CCDC7: variants seen among roughly 807,000 people sequenced by gnomAD.
CCDC7 encodes coiled-coil domain-containing protein 7.
CCDC7 carries 183 observed loss-of-function variants against 196.9 expected under a neutral mutation model. That is an observed-to-expected ratio of 0.93 (90% CI 0.82 to 1.05). The LOEUF is 1.05. CCDC7 is among the 50% of genes least tolerant of loss of function. The probability of loss-of-function intolerance (pLI) is 0.00; values close to 1 mark genes in which losing one functional copy is unlikely to be tolerated. For synonymous variants in CCDC7, 525 were observed against 484.6 expected (o/e 1.08, Z -1.10); for missense variants, 1,540 against 1,482.2 (o/e 1.04, Z -0.64).
intron 28 of CCDC7, among the ~76,000 whole-genome samples, chr10:32,776,130 G>A: frequency 6.7e-6 from 1 of 148,454 alleles, no homozygotes; most frequent in East Asian, 2.0e-4. Context: ...GGGGACTGTG[G>A]TGGGGTGGGG....
At chr10:32,666,448 A>G (rs1473021256) in intron 21 of CCDC7, among the ~76,000 whole-genome samples, 1 of 151,996 alleles carries the variant, frequency 6.6e-6, no homozygotes, top group Non-Finnish European at 1.5e-5. Flanking sequence ...ACATATATAT[A>G]CATGTGCCGT....
At chr10:32,463,520 T>A in intron 5 of CCDC7, among the ~76,000 whole-genome samples, 1 of 152,228 alleles carries the variant, frequency 6.6e-6, no homozygotes, top group East Asian at 1.9e-4. Context: ...GTTTGAGAAC[T>A]ACTGGTCTCT....
chr10:32,619,318 C>G (rs2063118260), intron 18 of CCDC7, among the ~76,000 whole-genome samples: 1 of 151,770 alleles, frequency 6.6e-6, no homozygotes, highest in Admixed American at 6.6e-5. Context: ...TTGATAAAAA[C>G]AGAATTCAAC....
intron 11 of CCDC7, 121 bp downstream of exon 12, chr10:32,518,626 C>T: frequency 1.4e-6 from 1 of 733,312 alleles, no homozygotes; most frequent in South Asian, 6.0e-5. Flanking sequence ...TAATTCGTAG[C>T]AGCTATGCTT....
intron 32 of CCDC7, among the ~76,000 whole-genome samples, chr10:32,831,858 CAAATAA>C (rs2092218505): frequency 6.6e-6 from 1 of 151,932 alleles, no homozygotes; most frequent in Non-Finnish European, 1.5e-5. Context: ...TATGCATACT[CAAATAA>C]AAATAAAAAT....
chr10:32,748,912 AT>A (rs1009648060), intron 28 of CCDC7, among the ~76,000 whole-genome samples: 3 of 152,068 alleles, frequency 2.0e-5, no homozygotes, highest in Non-Finnish European at 4.4e-5. Flanking sequence ...ACATAAAGGG[AT>A]TTTTTTCTCC....
intron 9 of CCDC7, among the ~76,000 whole-genome samples, chr10:32,495,772 C>A (rs1363742274): frequency 6.6e-6 from 1 of 152,110 alleles, no homozygotes; most frequent in Non-Finnish European, 1.5e-5. Flanking sequence ...GGTACCAGTA[C>A]CATGCTGTTT....
intron 41 of CCDC7, among the ~76,000 whole-genome samples, chr10:32,854,895 T>C (rs2093691862): frequency 6.6e-6 from 1 of 151,812 alleles, no homozygotes. Context: ...TTCATATATA[T>C]TTATGTCACA....
chr10:32,534,005 C>T (rs1413303475), intron 11 of CCDC7, among the ~76,000 whole-genome samples: 3 of 151,972 alleles, frequency 2.0e-5, no homozygotes, highest in African/African-American at 7.2e-5. Flanking sequence ...CTTTCTTTTC[C>T]TCAGCTCTCT....
intron 5 of CCDC7, among the ~76,000 whole-genome samples, chr10:32,466,698 T>C (rs1056978954): frequency 6.6e-6 from 1 of 152,224 alleles, no homozygotes; most frequent in African/African-American, 2.4e-5. Flanking sequence ...GCCAATTCCA[T>C]GTCTTTGCTA....
intron 5 of CCDC7, among the ~76,000 whole-genome samples, chr10:32,464,922 C>T (rs933262872): frequency 1.3e-5 from 2 of 152,058 alleles, no homozygotes; most frequent in African/African-American, 4.8e-5. Context: ...CTTATTTGAT[C>T]CACATTCCTC....
intron 28 of CCDC7, among the ~76,000 whole-genome samples, chr10:32,732,362 A>G (rs2484736): frequency 0.34 from 52,156 of 152,050 alleles, 11,340 homozygotes; most frequent in Non-Finnish European, 0.49. Context: ...TCAATCACAA[A>G]TATGATTTTT....
At chr10:32,566,494 T>C (rs980543797) in intron 14 of CCDC7, among the ~76,000 whole-genome samples, 1 of 152,242 alleles carries the variant, frequency 6.6e-6, no homozygotes, top group African/African-American at 2.4e-5. Flanking sequence ...TTATTAAATG[T>C]ACTTCTATTA....
intron 18 of CCDC7, among the ~76,000 whole-genome samples, chr10:32,597,300 A>G (rs750055017): frequency 2.0e-5 from 3 of 152,084 alleles, no homozygotes; most frequent in Non-Finnish European, 4.4e-5. Flanking sequence ...TGTTTCTTCA[A>G]TTTGATCAAA....
intron 28 of CCDC7, among the ~76,000 whole-genome samples, chr10:32,754,463 C>T (rs541091647): frequency 1.8e-4 from 27 of 152,192 alleles, no homozygotes; most frequent in Non-Finnish European, 3.2e-4. Flanking sequence ...TAACTTACTT[C>T]CAATCAAAAT....
intron 9 of CCDC7, among the ~76,000 whole-genome samples, chr10:32,499,805 C>T (rs1431672594): frequency 6.6e-6 from 1 of 151,928 alleles, no homozygotes; most frequent in Non-Finnish European, 1.5e-5. Context: ...GGTGATGACT[C>T]TTAACGAGTA....
At chr10:32,866,536 TTAA>T (rs1294658487) in intron 41 of CCDC7, among the ~76,000 whole-genome samples, 1 of 151,332 alleles carries the variant, frequency 6.6e-6, no homozygotes, top group East Asian at 1.9e-4. Context: ...ATCGAAGTAA[TTAA>T]TAGTACCAAT....
intron 26 of CCDC7, among the ~76,000 whole-genome samples, chr10:32,727,079 G>A (rs772983226): frequency 5.3e-5 from 8 of 152,038 alleles, no homozygotes; most frequent in Non-Finnish European, 8.8e-5. Flanking sequence ...CCAATAATTC[G>A]CCTACAGTAT....
intron 13 of CCDC7, among the ~76,000 whole-genome samples, chr10:32,562,668 C>T (rs1241278887): frequency 6.6e-6 from 1 of 151,986 alleles, no homozygotes; most frequent in Non-Finnish European, 1.5e-5. Flanking sequence ...TAAGAGCTAT[C>T]TATGACAAAC....
Sources: gnomAD v4.1 joint callset for allele counts (sites outside exome capture counted in the v4.1 genomes callset) on GRCh38, gnomAD v4.1.1 for gene constraint, MANE v1.5 for transcripts, NCBI Gene and HGNC (gene_info 2026-07-23, HGNC 2026-07-21) for gene names.